Variants in TMEM131 observed in about 807,000 individuals in gnomAD.
TMEM131 encodes the protein 2610524E03Rik.
In TMEM131, 66 loss-of-function variants were observed where a neutral mutation model predicts 211.6. The observed-to-expected ratio is 0.31, with a 90% CI of 0.26 to 0.38. The LOEUF is 0.38. Ranked by LOEUF, TMEM131 falls within the 10% of genes least tolerant of loss-of-function variation. TMEM131 has a pLI of 1.00. For missense variants in TMEM131, 2,036 were observed against 2,299.3 expected (o/e 0.89, Z 2.34); for synonymous variants, 844 against 841.3 (o/e 1.00, Z -0.06).
intron 1 of TMEM131, among the ~76,000 whole-genome samples, chr2:97,988,878 A>G (rs1231703414): frequency 2.0e-5 from 3 of 152,356 alleles, no homozygotes; most frequent in Middle Eastern, 3.4e-3. Context: ...ATATAGAACT[A>G]TCACATGATC....
intron 19 of TMEM131, among the ~76,000 whole-genome samples, chr2:97,806,490 G>A (rs1430745446): frequency 2.6e-5 from 4 of 152,006 alleles, no homozygotes; most frequent in Admixed American, 1.3e-4. Flanking sequence ...GCAGTGAGCC[G>A]AGATCGTACC....
At chr2:97,766,919 C>G (rs1411181677) in intron 33 of TMEM131, among the ~76,000 whole-genome samples, 4 of 152,136 alleles carry the variant, frequency 2.6e-5, no homozygotes, top group Non-Finnish European at 4.4e-5. Context: ...AAAGAAAGCC[C>G]TTAGCTCCAA....
intron 1 of TMEM131, among the ~76,000 whole-genome samples, chr2:97,994,636 T>C (rs1192059438): frequency 6.6e-6 from 1 of 152,212 alleles, no homozygotes; most frequent in Non-Finnish European, 1.5e-5. Flanking sequence ...CAATTCTTCA[T>C]GAAGGCTCTG....
At chr2:97,872,917 T>G (rs569733120) in intron 4 of TMEM131, among the ~76,000 whole-genome samples, 1 of 151,864 alleles carries the variant, frequency 6.6e-6, no homozygotes, top group Admixed American at 6.5e-5. Flanking sequence ...TGGAAAGGGG[T>G]GCTGAAGCCA....
At chr2:97,953,325 T>C (rs1678410230) in intron 1 of TMEM131, among the ~76,000 whole-genome samples, 1 of 152,200 alleles carries the variant, frequency 6.6e-6, no homozygotes, top group Non-Finnish European at 1.5e-5. Context: ...AACACATCAG[T>C]TTTACATAAA....
intron 39 of TMEM131, 71 bp downstream of exon 39, chr2:97,759,581 C>G: frequency 7.4e-7 from 1 of 1,356,694 alleles, no homozygotes; most frequent in South Asian, 1.2e-5. Flanking sequence ...CTCCAGCACA[C>G]AAAACCACAC....
intron 4 of TMEM131, among the ~76,000 whole-genome samples, chr2:97,867,335 T>C (rs1364642755): frequency 2.0e-5 from 3 of 152,186 alleles, no homozygotes; most frequent in South Asian, 2.1e-4. Context: ...GTTCTGGCAG[T>C]TTTGCTTCAT....
chr2:97,833,917 C>T (rs1204700446), intron 10 of TMEM131, among the ~76,000 whole-genome samples: 3 of 152,178 alleles, frequency 2.0e-5, no homozygotes, highest in Non-Finnish European at 2.9e-5. Context: ...CCTGCCTCCA[C>T]CTCCCAAAAT....
At chr2:97,799,797 C>G (rs913250439) in intron 25 of TMEM131, among the ~76,000 whole-genome samples, 9 of 152,146 alleles carry the variant, frequency 5.9e-5, no homozygotes, top group African/African-American at 2.2e-4. Context: ...AACTAAAATA[C>G]TCCTTCTTTT....
chr2:97,953,570 G>C (rs1319035235), intron 1 of TMEM131, among the ~76,000 whole-genome samples: 9 of 152,122 alleles, frequency 5.9e-5, no homozygotes. Context: ...ATTACAGGTG[G>C]AGATTTCAAC....
intron 1 of TMEM131, among the ~76,000 whole-genome samples, chr2:97,966,204 C>T (rs1170666083): frequency 3.3e-5 from 5 of 151,556 alleles, no homozygotes; most frequent in Non-Finnish European, 5.9e-5. Context: ...CAGGGTAAAT[C>T]GGCTGTTCTC....
chr2:97,761,369 C>G (rs1319557204), intron 36 of TMEM131: 1 of 163,718 alleles, frequency 6.1e-6, no homozygotes, highest in African/African-American at 2.4e-5. Flanking sequence ...GCCTCTTGGG[C>G]AACGGCGGGG....
intron 3 of TMEM131, among the ~76,000 whole-genome samples, chr2:97,904,318 C>T (rs550435161): frequency 6.6e-6 from 1 of 151,592 alleles, no homozygotes; most frequent in South Asian, 2.1e-4. Context: ...TCAAATGCTT[C>T]AGAAAAATTA....
At chr2:97,796,100 A>G in intron 28 of TMEM131, 118 bp downstream of exon 28, 1 of 578,338 alleles carries the variant, frequency 1.7e-6, no homozygotes, top group Non-Finnish European at 2.8e-6. Context: ...AGATTAAGTG[A>G]AAAAAAAACA....
chr2:97,968,299 T>C (rs1175432473), intron 1 of TMEM131, among the ~76,000 whole-genome samples: 1 of 152,086 alleles, frequency 6.6e-6, no homozygotes, highest in Non-Finnish European at 1.5e-5. Flanking sequence ...CTATGTTTCC[T>C]TTATTATATA....
intron 3 of TMEM131, among the ~76,000 whole-genome samples, chr2:97,890,845 T>G (rs1675347601): frequency 6.6e-6 from 1 of 152,220 alleles, no homozygotes; most frequent in African/African-American, 2.4e-5. Context: ...TCCTGTAAAA[T>G]GCTTCAAAGA....
rs760199117 is a variant in TMEM131, at chr2:97,797,369, C to T, written c.2866G>A (p.Val956Ile). The T allele has an allele frequency of 6.2e-7, 1 of 1,603,194 alleles. No homozygotes were observed. The highest frequency in any genetic ancestry group is 8.5e-7 in the Non-Finnish European group (1 of 1,176,218). Residue 956 changes from valine to isoleucine, a missense_variant, in exon 26 of 41, where the codon GTC becomes ATC. By Grantham distance (29) the Val-to-Ile change is conservative (BLOSUM62 3). Coordinates refer to ENST00000186436, the MANE Select transcript of TMEM131 (RefSeq NM_015348.2). ...HNRTVSSLII[V>I]RNNLTVMDAV... The stretch of plus-strand genomic sequence containing the variant: ...CACCTATATCACAGAACCTACCTGA[C>T]TATGATAAGTGAAGAAACAGTTCTG...
At chr2:97,861,671 C>G (rs1674073727) in intron 4 of TMEM131, among the ~76,000 whole-genome samples, 1 of 151,792 alleles carries the variant, frequency 6.6e-6, no homozygotes, top group Non-Finnish European at 1.5e-5. Flanking sequence ...AGGACTGCAT[C>G]AAATGGGTTG....
At chr2:97,940,231 T>C (rs540239537) in intron 1 of TMEM131, among the ~76,000 whole-genome samples, 10 of 152,154 alleles carry the variant, frequency 6.6e-5, no homozygotes, top group Admixed American at 1.3e-4. Context: ...GGAAGTCAAA[T>C]TGTCCCTGTT....
Sources: gnomAD v4.1 joint callset for allele counts (sites outside exome capture counted in the v4.1 genomes callset) on GRCh38, gnomAD v4.1.1 for gene constraint, MANE v1.5 for transcripts, NCBI Gene and HGNC (gene_info 2026-07-23, HGNC 2026-07-21) for gene names.